NRG1: variants seen among roughly 807,000 people sequenced by gnomAD.
NRG1 encodes pro-neuregulin-1, membrane-bound isoform.
A neutral mutation model predicts 63.8 loss-of-function variants in NRG1; 18 were observed. The observed-to-expected ratio is 0.28, with a 90% CI of 0.19 to 0.42. NRG1 has a LOEUF of 0.42. NRG1 is among the 10% of genes least tolerant of loss of function. NRG1 has a pLI of 1.00. For synonymous variants in NRG1, 302 were observed against 301.3 expected (o/e 1.00, Z -0.02); for missense variants, 762 against 814.7 (o/e 0.94, Z 0.79).
chr8:32,499,586 AT>A (rs1220396610), intron 1 of NRG1, among the ~76,000 whole-genome samples: 4 of 152,164 alleles, frequency 2.6e-5, no homozygotes, highest in African/African-American at 9.7e-5. Context: ...AGGTGGACGG[AT>A]TGCTTGAGCC....
At chr8:32,320,766 A>T (rs1231960445) in intron 1 of NRG1, among the ~76,000 whole-genome samples, 1 of 152,164 alleles carries the variant, frequency 6.6e-6, no homozygotes, top group East Asian at 1.9e-4. Flanking sequence ...ATGTGCAGAA[A>T]TAGACTGCTC....
At chr8:32,137,609 T>C (rs1835720849) in intron 1 of NRG1, among the ~76,000 whole-genome samples, 1 of 152,186 alleles carries the variant, frequency 6.6e-6, no homozygotes, top group Admixed American at 6.5e-5. Context: ...GCTTCTTCTA[T>C]AGACAGTTGG....
intron 1 of NRG1, among the ~76,000 whole-genome samples, chr8:31,856,090 C>A (rs1340005222): frequency 6.6e-6 from 1 of 151,556 alleles, no homozygotes; most frequent in African/African-American, 2.4e-5. Context: ...AATTATGTGT[C>A]TTGGAGTTGC....
intron 1 of NRG1, among the ~76,000 whole-genome samples, chr8:31,874,154 T>C (rs1212778669): frequency 1.3e-5 from 2 of 152,222 alleles, no homozygotes; most frequent in East Asian, 1.9e-4. Context: ...ATGTTTTGCA[T>C]GTCTACAAAT....
intron 1 of NRG1, among the ~76,000 whole-genome samples, chr8:32,448,919 A>T (rs1405566690): frequency 6.6e-6 from 1 of 152,054 alleles, no homozygotes; most frequent in Non-Finnish European, 1.5e-5. Context: ...TGTGTTTAGG[A>T]AGGATGTGAG....
At chr8:31,841,239 G>C (rs1158532526) in intron 1 of NRG1, among the ~76,000 whole-genome samples, 4 of 152,008 alleles carry the variant, frequency 2.6e-5, no homozygotes, top group Non-Finnish European at 5.9e-5. Flanking sequence ...GTAGGAATGG[G>C]GGGTGGGTGG....
At chr8:31,708,396 C>T (rs1411631424) in intron 1 of NRG1, among the ~76,000 whole-genome samples, 1 of 151,864 alleles carries the variant, frequency 6.6e-6, no homozygotes, top group Non-Finnish European at 1.5e-5. Context: ...GACTACTCCC[C>T]TGAACAACAA....
intron 1 of NRG1, among the ~76,000 whole-genome samples, chr8:32,384,218 CAG>C (rs1810708530): frequency 6.6e-6 from 1 of 151,970 alleles, no homozygotes; most frequent in South Asian, 2.1e-4. Flanking sequence ...GCCCGGGTGA[CAG>C]AGCAAGACCC....
chr8:32,643,280 C>T (rs1352305042), intron 5 of NRG1, among the ~76,000 whole-genome samples: 2 of 152,184 alleles, frequency 1.3e-5, no homozygotes, highest in African/African-American at 4.8e-5. Flanking sequence ...TCTGGGCTGG[C>T]ACGGTGACTG....
At chr8:32,609,603 C>T (rs1054538458) in intron 3 of NRG1, among the ~76,000 whole-genome samples, 1 of 141,140 alleles carries the variant, frequency 7.1e-6, no homozygotes, top group Admixed American at 7.2e-5. Flanking sequence ...TCCTTCCTTC[C>T]TTCCTTCCTT....
intron 1 of NRG1, among the ~76,000 whole-genome samples, chr8:32,457,065 G>T (rs951348568): frequency 6.6e-6 from 1 of 152,194 alleles, no homozygotes; most frequent in African/African-American, 2.4e-5. Context: ...CCTGGAGGCA[G>T]AGATTGCAGT....
At chr8:31,743,086 A>G (rs1469380268) in intron 1 of NRG1, among the ~76,000 whole-genome samples, 3 of 151,968 alleles carry the variant, frequency 2.0e-5, no homozygotes, top group Non-Finnish European at 2.9e-5. Context: ...TTGAGCTCAA[A>G]TAACAATATC....
chr8:32,733,590 G>A (rs886519152), intron 6 of NRG1, among the ~76,000 whole-genome samples: 7 of 152,162 alleles, frequency 4.6e-5, no homozygotes, highest in East Asian at 1.9e-4. Context: ...CAGGCTTAGC[G>A]TCCCAATAAT....
At chr8:32,533,245 T>G (rs1313551031) in intron 1 of NRG1, among the ~76,000 whole-genome samples, 1 of 152,068 alleles carries the variant, frequency 6.6e-6, no homozygotes, top group Admixed American at 6.5e-5. Context: ...CTAGAAACAT[T>G]ACTGCTGTTA....
At chr8:32,257,127 C>T (rs1184684982) in intron 1 of NRG1, among the ~76,000 whole-genome samples, 1 of 152,078 alleles carries the variant, frequency 6.6e-6, no homozygotes, top group East Asian at 1.9e-4. Flanking sequence ...TGGTGGACAC[C>T]CCTCCCCTAA....
intron 1 of NRG1, among the ~76,000 whole-genome samples, chr8:32,278,639 C>A (rs1437211305): frequency 6.6e-6 from 1 of 152,166 alleles, no homozygotes; most frequent in Non-Finnish European, 1.5e-5. Context: ...CAGGAAGAGT[C>A]CTATGTATGG....
At chr8:32,482,185 G>C (rs187216327) in intron 1 of NRG1, among the ~76,000 whole-genome samples, 39 of 152,014 alleles carry the variant, frequency 2.6e-4, no homozygotes, top group African/African-American at 8.0e-4. Context: ...AATCGTTGTT[G>C]TGCTGGTAAC....
intron 1 of NRG1, among the ~76,000 whole-genome samples, chr8:32,253,172 T>C (rs1232420303): frequency 6.6e-6 from 1 of 152,204 alleles, no homozygotes; most frequent in African/African-American, 2.4e-5. Flanking sequence ...CTTTTCCAAT[T>C]TGAATATACT....
chr8:32,474,035 T>C lies in NRG1; in HGVS notation c.38-121793T>C, dbSNP rs148321243. Among the ~76,000 whole-genome samples, 374 of 152,210 alleles carry C rather than the reference T, an allele frequency of 2.5e-3. 2 individuals are homozygous for C. Among genetic ancestry groups the C allele is most frequent in the African/African-American group, 8.5e-3 (355 of 41,554 alleles). On this transcript the variant is annotated intron_variant, in intron 1 of 10. Coordinates refer to the NRG1 transcript ENST00000519301. The stretch of plus-strand genomic sequence containing the variant: ...ATCCTGATCCCTGGACACAACCCCA[T>C]TGAGATACCCTTCCATTTAATACTT...
Sources: allele counts gnomAD v4.1 joint callset (sites outside exome capture counted in the v4.1 genomes callset), GRCh38; gene constraint gnomAD v4.1.1; transcripts MANE v1.5; gene names NCBI Gene and HGNC (gene_info 2026-07-23, HGNC 2026-07-21).